The following RRP12 variants were observed in gnomAD, a reference collection of about 807,000 sequenced individuals.
RRP12 encodes RRP12-like protein.
RRP12 carries 78 observed loss-of-function variants against 157.3 expected under a neutral mutation model. The ratio of observed to expected loss-of-function variants is 0.50; its 90% confidence interval spans 0.41 to 0.60. The LOEUF is 0.60. Among genes scored for constraint, RRP12 ranks in the 20% least tolerant of loss-of-function variants. The pLI is 0.00. For missense variants in RRP12, 1,521 were observed against 1,679.9 expected (o/e 0.91, Z 1.65); for synonymous variants, 726 against 670.9 (o/e 1.08, Z -1.27).
At position 97,381,705 on chromosome 10, in the gene RRP12, G is replaced by T. The variant is rs773348595; in HGVS notation, c.1320+10C>A. ...TGTGCTCTCTGCTTCCTCAGCTAAAGTTGCAGTACCTTGAGGCTCTGCGTA... is the reference window on the plus strand; with the variant it reads ...TGTGCTCTCTGCTTCCTCAGCTAAATTTGCAGTACCTTGAGGCTCTGCGTA... On this transcript the variant is annotated intron_variant, in intron 11 of 33. Transcript: ENST00000370992. 6.2e-7 allele frequency: 1 copy of T among 1,604,344 alleles called. No homozygotes were observed. The highest frequency in any genetic ancestry group is 1.1e-5 in the South Asian group (1 of 90,874).
rs142061463 is a variant in RRP12 at position 97,396,268 on chromosome 10, T to C, written c.403A>G (p.Ile135Val). The C allele has an allele frequency of 3.7e-5, 59 of 1,613,784 alleles. No homozygotes were observed. The highest frequency in any genetic ancestry group is 4.7e-5 in the Non-Finnish European group (55 of 1,179,860). The change falls in exon 3 of 34, where the codon ATT becomes GTT. Residue 135 changes from isoleucine to valine, a missense_variant. Physicochemically the swap from Ile to Val is conservative, Grantham distance 29 (BLOSUM62 3). Transcript: ENST00000370992. ...GTCTCCTTCCCTCCCTGGGAGCGAA[T>C]CACCTCAGTGACAGCAGCCAGAACA... is the stretch of plus-strand genomic sequence containing the variant. ...CAVLAAVTEV[I>V]RSQGGKETET...
intron 13 of RRP12, among the ~76,000 whole-genome samples, chr10:97,380,596 G>T (rs1844438222): frequency 6.6e-6 from 1 of 152,154 alleles, no homozygotes; most frequent in Non-Finnish European, 1.5e-5. Flanking sequence ...TGAGCAGGTG[G>T]GGGGACTGCC....
intron 6 of RRP12, among the ~76,000 whole-genome samples, chr10:97,389,612 A>G (rs534225790): frequency 2.6e-5 from 4 of 152,038 alleles, no homozygotes; most frequent in Non-Finnish European, 5.9e-5. Flanking sequence ...GGGAACCATC[A>G]CTCACCAAGC....
intron 12 of RRP12, 66 bp downstream of exon 12, chr10:97,381,320 T>C: frequency 8.6e-7 from 1 of 1,164,732 alleles, no homozygotes; most frequent in Non-Finnish European, 1.2e-6. Flanking sequence ...AGTGGAGCAT[T>C]CGTATTATAT....
chr10:97,376,791 G>A (rs551741207), intron 15 of RRP12, among the ~76,000 whole-genome samples: 1 of 151,910 alleles, frequency 6.6e-6, no homozygotes, highest in South Asian at 2.1e-4. Flanking sequence ...TCCTTGTTGA[G>A]AACCACTGCC....
chr10:97,360,347 C>T (rs1843809816), intron 31 of RRP12, among the ~76,000 whole-genome samples, 199 bp downstream of exon 31: 1 of 152,156 alleles, frequency 6.6e-6, no homozygotes, highest in African/African-American at 2.4e-5. Flanking sequence ...TCTCCTAACC[C>T]ATAGGCTCTC....
rs543352035 is a variant in RRP12 at position 97,366,664 on chromosome 10, C to T, written c.3216-43G>A. On this transcript the variant is annotated intron_variant, in intron 27 of 33. Transcript: ENST00000370992. The stretch of plus-strand genomic sequence containing the variant: ...CCAGTCAGAGTGCTCCCAGGAGAGG[C>T]GGGGGTCAGCGGGTATTGCCTGGGC... 2.4e-5 allele frequency: 38 copies of T among 1,597,406 alleles called. No homozygotes were observed. The African/African-American group carries it at 2.5e-4, about 11-fold the overall frequency.
chr10:97,362,964 A>G (rs138013429), intron 30 of RRP12, among the ~76,000 whole-genome samples: 1 of 152,316 alleles, frequency 6.6e-6, no homozygotes, highest in East Asian at 1.9e-4. Flanking sequence ...TACACGCCCA[A>G]TCTTACCAAA....
At chr10:97,393,575 A>G in intron 4 of RRP12, 109 bp downstream of exon 4, 1 of 892,270 alleles carries the variant, frequency 1.1e-6, no homozygotes, top group Non-Finnish European at 1.8e-6. Context: ...ATGTTCATGA[A>G]GAGCAAGTAT....
chr10:97,401,073 T>G lies in RRP12; in HGVS notation c.139+20A>C, dbSNP rs1845132928. On this transcript the variant is annotated intron_variant, in intron 1 of 33. Coordinates refer to ENST00000370992, the MANE Select transcript of RRP12 (RefSeq NM_015179.4). ...CCTGGAACCCCGCCCCCGGCTGCGC[T>G]CGGGTCTCAACCCAGCTACCTGACG... 11 of 1,611,248 alleles carry G rather than the reference T, an allele frequency of 6.8e-6. No individual in the cohort carries two copies. The East Asian group carries it at 2.5e-4, about 36-fold the overall frequency.
At position 97,393,753 on chromosome 10, in the gene RRP12, G is replaced by A. The variant is rs759510639; in HGVS notation, c.461C>T (p.Thr154Ile). ...CTCCGGGGACTCCACTGCTTCCATT[G>A]TTGTCATCTGAGGGCCAGATTGAGG... ...ETEYFAALMT[T>I]MEAVESPESL... is the part of the protein sequence containing the mutation. Residue 154 changes from threonine (T) to isoleucine (I), a missense_variant, in exon 4 of 34, where the codon ACA becomes ATA. Transcript: ENST00000370992. 6.2e-7 allele frequency: 1 copy of A among 1,613,858 alleles called. No homozygotes were observed. Among genetic ancestry groups the A allele is most frequent in the Admixed American group, 1.7e-5 (1 of 60,000 alleles).
intron 15 of RRP12, among the ~76,000 whole-genome samples, chr10:97,375,196 A>C (rs10786336): frequency 0.38 from 57,443 of 150,906 alleles, 11,373 homozygotes; most frequent in African/African-American, 0.5. Flanking sequence ...TGGGCTCAAG[A>C]AATCCTCTTT....
chr10:97,395,026 C>T (rs1844916413), intron 3 of RRP12, among the ~76,000 whole-genome samples: 1 of 151,826 alleles, frequency 6.6e-6, no homozygotes, highest in South Asian at 2.1e-4. Context: ...GCCTGTAATT[C>T]CAACTACTCA....
intron 28 of RRP12, 44 bp downstream of exon 28, chr10:97,366,402 T>C (rs1439481287): frequency 3.2e-6 from 5 of 1,570,080 alleles, no homozygotes; most frequent in African/African-American, 1.4e-5. Context: ...CCTGGCACCA[T>C]GGCAAGTCTG....
Position 97,386,003 on chromosome 10 carries a change from GAC to G in RRP12, c.1018-12_1018-11del. On this transcript the variant is annotated splice_polypyrimidine_tract_variant and intron_variant, in intron 8 of 33. Coordinates refer to ENST00000370992, the MANE Select transcript of RRP12 (RefSeq NM_015179.4). ...CACAGGCTGTCACCAGCTGGAGGGG[GAC>G]ACACAGGCTTAGAAAGGAACTACAA... The G allele has an allele frequency of 1.3e-6, 2 of 1,566,022 alleles. No individual in the cohort carries two copies. The highest frequency in any genetic ancestry group is 1.7e-6 in the Non-Finnish European group (2 of 1,149,502).
In RRP12 at chr10:97,396,272, C is replaced by T; in HGVS notation, c.399G>A (p.Glu133=). ...CCTTCCCTCCCTGGGAGCGAATCAC[C>T]TCAGTGACAGCAGCCAGAACAGCAC... ...EICAVLAAVT[E]VIRSQGGKET... Residue 133 remains glutamate (E), a synonymous_variant, in exon 3 of 34, where the codon GAG becomes GAA. Transcript: ENST00000370992. The T allele has an allele frequency of 1.2e-6, 2 of 1,613,950 alleles. No individual in the cohort carries two copies. The highest frequency in any genetic ancestry group is 2.2e-5 in the South Asian group (2 of 91,064).
intron 3 of RRP12, among the ~76,000 whole-genome samples, chr10:97,394,988 C>T (rs1164646789): frequency 6.6e-6 from 1 of 151,042 alleles, no homozygotes; most frequent in Admixed American, 6.6e-5. Flanking sequence ...ACTAAAAATA[C>T]AAAAATTAGC....
rs1342750344 is a variant in RRP12 at position 97,373,656 on chromosome 10, T to C, written c.1945A>G (p.Met649Val). 1.9e-6 allele frequency: 3 copies of C among 1,613,762 alleles called. No individual in the cohort carries two copies. The highest frequency in any genetic ancestry group is 3.3e-5 in the Admixed American group (2 of 59,980). The change falls in exon 17 of 34, where the codon ATG (methionine) becomes GTG (valine). Residue 649 changes from methionine to valine, a missense_variant. Coordinates refer to ENST00000370992, the MANE Select transcript of RRP12 (RefSeq NM_015179.4). ...SFKGLARTLG[M>V]AISERPDLRV... is the part of the protein sequence containing the mutation. ...AGGTCTGGACGCTCGCTGATGGCCA[T>C]GCCCAGCGTCCGTGCCAGCCCTTTG...
At position 97,393,747 on chromosome 10, in the gene RRP12, T is replaced by G. The variant is rs2133094709; in HGVS notation, c.467A>C (p.Glu156Ala). 6.2e-7 allele frequency: 1 copy of G among 1,613,924 alleles called. No individual in the cohort carries two copies. Among genetic ancestry groups the G allele is most frequent in the East Asian group, 2.2e-5 (1 of 44,862 alleles). Residue 156 changes from glutamate to alanine, a missense_variant, in exon 4 of 34, where the codon GAA becomes GCA. Glu to Ala is a moderately radical substitution (Grantham distance 107, BLOSUM62 -1). Coordinates refer to ENST00000370992, the MANE Select transcript of RRP12 (RefSeq NM_015179.4). ...CAGGGACTCCGGGGACTCCACTGCT[T>G]CCATTGTTGTCATCTGAGGGCCAGA... Reference protein sequence around the residue: ...EYFAALMTTMEAVESPESLAA... With the variant: ...EYFAALMTTMAAVESPESLAA...
Sources: gnomAD v4.1 joint callset for allele counts (sites outside exome capture counted in the v4.1 genomes callset) on GRCh38, gnomAD v4.1.1 for gene constraint, MANE v1.5 for transcripts, NCBI Gene and HGNC (gene_info 2026-07-23, HGNC 2026-07-21) for gene names.